ST13: variants seen among roughly 807,000 people sequenced by gnomAD.
The protein encoded by ST13 is hsc70-interacting protein.
Under a neutral mutation model 56.7 loss-of-function variants are expected in ST13, and 23 were observed. The ratio of observed to expected loss-of-function variants is 0.41; its 90% CI spans 0.29 to 0.57. ST13 has a LOEUF of 0.57. ST13 is among the 20% of genes least tolerant of loss of function. ST13 has a pLI of 0.36. For missense variants in ST13, 369 were observed against 459.9 expected (o/e 0.80, Z 1.81); for synonymous variants, 132 against 142.4 (o/e 0.93, Z 0.52).
In ST13 at chr22:40,825,774, A is replaced by C. The variant is rs1469865193; in HGVS notation, c.*764T>G. On this transcript the variant is annotated 3_prime_UTR_variant, in exon 12 of 12. Coordinates refer to ENST00000216218, the MANE Select transcript of ST13 (RefSeq NM_003932.5). ...TTAAGCATAGAAATATAAAAAGAAA[A>C]GTACTACCTTATTTCCCTTACGTGG... The C allele has an allele frequency of 6.6e-6, 1 of 152,242 alleles. No homozygotes were observed. The highest frequency in any genetic ancestry group is 1.5e-5 in the Non-Finnish European group (1 of 68,050). 9.4% of individuals were successfully genotyped at this position (152,242 alleles called of 1,614,324 possible).
chr22:40,847,784 C>G (rs1030222003), intron 3 of ST13, among the ~76,000 whole-genome samples: 1 of 151,956 alleles, frequency 6.6e-6, no homozygotes, highest in Non-Finnish European at 1.5e-5. Context: ...TGCAGTGGCT[C>G]ACGCCTGTAA....
intron 5 of ST13, among the ~76,000 whole-genome samples, chr22:40,839,427 C>T (rs559369573): frequency 1.3e-5 from 2 of 152,270 alleles, no homozygotes; most frequent in African/African-American, 4.8e-5. Flanking sequence ...CAAGTTTATA[C>T]ATGATTTGTT....
chr22:40,835,793 G>C lies in ST13; in HGVS notation c.467+10C>G. ...TTGCCAGGGGATGCTTTTCTGTTTA[G>C]AGTTCTCACCTGGCCCTCTTGGCAT... On this transcript the variant is annotated intron_variant, in intron 6 of 11. Transcript: ENST00000216218. The C allele has an allele frequency of 1.9e-6, 3 of 1,613,254 alleles. No individual in the cohort carries two copies. Among genetic ancestry groups the C allele is most frequent in the South Asian group, 1.1e-5 (1 of 91,022 alleles).
At chr22:40,838,561 A>G (rs2057788004) in intron 5 of ST13, among the ~76,000 whole-genome samples, 1 of 151,912 alleles carries the variant, frequency 6.6e-6, no homozygotes, top group African/African-American at 2.4e-5. Flanking sequence ...CAGGAGTTCA[A>G]GACGAGCCTG....
Position 40,848,473 on chromosome 22 carries a change from A to G in ST13, c.169-104T>C. ...TATAAACTGTCAAATATGGCCAGGC[A>G]TGGCGGCTCATGCCTGGAATTCCAG... On this transcript the variant is annotated intron_variant, in intron 2 of 11. Coordinates refer to ENST00000216218, the MANE Select transcript of ST13 (RefSeq NM_003932.5). 3.8e-6 allele frequency: 3 copies of G among 785,554 alleles called. No individual in the cohort carries two copies. The South Asian group carries it at 4.5e-5, about 12-fold the overall frequency. The allele number at this position is 785,554 out of a possible 1,614,324, so 48.7% of individuals were successfully genotyped here.
At position 40,825,755 on chromosome 22, in the gene ST13, A is replaced by G. The variant is rs2057724673; in HGVS notation, c.*783T>C. 2 of 152,176 alleles carry G rather than the reference A, an allele frequency of 1.3e-5. No homozygotes were observed. Among genetic ancestry groups the G allele is most frequent in the Admixed American group, 1.3e-4 (2 of 15,276 alleles). The allele number at this position is 152,176 out of a possible 1,614,324, so 9.4% of individuals were successfully genotyped here. ...TTGACTAGGAAAGAGAATTTTAAGC[A>G]TAGAAATATAAAAAGAAAAGTACTA... On this transcript the variant is annotated 3_prime_UTR_variant, in exon 12 of 12. Coordinates refer to ENST00000216218, the MANE Select transcript of ST13 (RefSeq NM_003932.5).
At chr22:40,851,333 GT>G (rs2057860309) in intron 1 of ST13, among the ~76,000 whole-genome samples, 1 of 152,164 alleles carries the variant, frequency 6.6e-6, no homozygotes, top group Non-Finnish European at 1.5e-5. Flanking sequence ...AATTCAAAAT[GT>G]TTGTGTCCTG....
chr22:40,846,081 C>A (rs530723273), intron 3 of ST13, among the ~76,000 whole-genome samples: 40 of 152,264 alleles, frequency 2.6e-4, no homozygotes, highest in African/African-American at 9.1e-4. Context: ...GGATTACAGG[C>A]ATGTGTCACC....
At chr22:40,829,007 GA>G (rs1308164361) in intron 10 of ST13, among the ~76,000 whole-genome samples, 1 of 152,130 alleles carries the variant, frequency 6.6e-6, no homozygotes, top group Non-Finnish European at 1.5e-5. Flanking sequence ...TTTTACATAG[GA>G]AGTAAACTAT....
Position 40,826,622 on chromosome 22 carries a change from T to G in ST13, c.1026A>C (p.Pro342=). Residue 342 remains proline (P), a synonymous_variant, in exon 12 of 12, where the codon CCA becomes CCC. Coordinates refer to ENST00000216218, the MANE Select transcript of ST13 (RefSeq NM_003932.5). ...TGCTCTGGTATTTTGACATATTTGC[T>G]GGGTTCTGAGCCACATCCTGGAAAG... is the stretch of plus-strand genomic sequence containing the variant. ...MVAFQDVAQN[P]ANMSKYQSNP... The G allele has an allele frequency of 6.2e-7, 1 of 1,607,728 alleles. No individual in the cohort carries two copies.
intron 7 of ST13, 26 bp from the exon 8 acceptor site, chr22:40,832,697 G>T: frequency 3.9e-6 from 6 of 1,542,690 alleles, no homozygotes; most frequent in Non-Finnish European, 5.3e-6. Context: ...ACTCATTTTA[G>T]GAGCCTTTTA....
chr22:40,829,556 ATAT>A, intron 10 of ST13, 67 bp downstream of exon 10: 1 of 696,690 alleles, frequency 1.4e-6, no homozygotes, highest in Non-Finnish European at 2.1e-6. Flanking sequence ...TTTATAATAA[ATAT>A]TAAGTATTAT....
intron 1 of ST13, among the ~76,000 whole-genome samples, chr22:40,854,083 A>C (rs2145753686): frequency 6.6e-6 from 1 of 152,388 alleles, no homozygotes. Flanking sequence ...CAATTATAGC[A>C]AATAGGCAGA....
In ST13 at chr22:40,826,320, T is replaced by C. The variant is rs1275701909; in HGVS notation, c.*218A>G. The C allele has an allele frequency of 1.3e-5, 5 of 372,422 alleles. No homozygotes were observed. The highest frequency in any genetic ancestry group is 2.1e-5 in the African/African-American group (1 of 48,132). 23.1% of individuals were successfully genotyped at this position (372,422 alleles called of 1,614,324 possible). On this transcript the variant is annotated 3_prime_UTR_variant, in exon 12 of 12. Transcript: ENST00000216218. ...TTTAAAAAGTGTTTAAAGTTTGTAA[T>C]TCCTAGTAGGAAAACATTATCTGAA...
chr22:40,840,549 C>G (rs902831136), intron 5 of ST13, 77 bp downstream of exon 5: 1 of 1,309,826 alleles, frequency 7.6e-7, no homozygotes, highest in African/African-American at 1.5e-5. Context: ...TGTAACTTCT[C>G]TTCTACTTTA....
In ST13 at chr22:40,827,231, T is replaced by C. The variant is rs1483571986; in HGVS notation, c.848-2A>G. The stretch of plus-strand genomic sequence containing the variant: ...CAGGCATTCCCCCAGGAAAGCCACC[T>C]GTAATAAAAAATGAATAGACACTAA... On this transcript the variant is annotated splice_acceptor_variant, in intron 10 of 11. Transcript: ENST00000216218. LOFTEE classifies it high-confidence loss of function. 6.2e-7 allele frequency: 1 copy of C among 1,613,336 alleles called. No individual in the cohort carries two copies. The highest frequency in any genetic ancestry group is 8.5e-7 in the Non-Finnish European group (1 of 1,179,846).
chr22:40,842,205 T>C (rs935624768), intron 4 of ST13, among the ~76,000 whole-genome samples: 5 of 152,168 alleles, frequency 3.3e-5, no homozygotes, highest in African/African-American at 1.2e-4. Flanking sequence ...GTAGCACCAA[T>C]TCAGAGACTT....
chr22:40,852,519 A>T (rs1334206419), intron 1 of ST13, among the ~76,000 whole-genome samples: 1 of 152,206 alleles, frequency 6.6e-6, no homozygotes, highest in Non-Finnish European at 1.5e-5. Context: ...TATGAAGCAA[A>T]AGTATAAATG....
rs545912904 is a variant in ST13, at chr22:40,838,915, A to T, written c.382+1711T>A. Among the ~76,000 whole-genome samples the T allele has an allele frequency of 9.9e-5, 15 of 152,052 alleles. No homozygotes were observed. In the East Asian group the frequency reaches 2.5e-3, roughly 25 times the overall value. On this transcript the variant is annotated intron_variant, in intron 5 of 11. Transcript: ENST00000216218. ...AGAGAAACAGTATAGCATAAATAAAAAAAAAAAAAAAATTCTAGAACAGTA... is the reference window on the plus strand; with the variant it reads ...AGAGAAACAGTATAGCATAAATAAATAAAAAAAAAAAATTCTAGAACAGTA...
Sources: allele counts gnomAD v4.1 joint callset (sites outside exome capture counted in the v4.1 genomes callset), GRCh38; gene constraint gnomAD v4.1.1; transcripts MANE v1.5; gene names NCBI Gene and HGNC (gene_info 2026-07-23, HGNC 2026-07-21).